KLRG2: variants seen among roughly 807,000 people sequenced by gnomAD.
The protein encoded by KLRG2 is killer cell lectin like receptor G2, also known as killer cell lectin-like receptor subfamily G member 2.
In KLRG2, 39 loss-of-function variants were observed where a neutral mutation model predicts 35.4. The ratio of observed to expected loss-of-function variants is 1.10; its 90% CI spans 0.85 to 1.44. KLRG2 has a LOEUF of 1.44. Among genes scored for constraint, KLRG2 ranks in the 40% most tolerant of loss-of-function variants. The pLI, the probability that KLRG2 is intolerant of heterozygous loss-of-function variation, is 0.00. For missense variants in KLRG2, 632 were observed against 570.9 expected (o/e 1.11, Z -1.09); for synonymous variants, 283 against 265.8 (o/e 1.06, Z -0.63).
At chr7:139,460,602 G>A (rs1236063214) in intron 3 of KLRG2, among the ~76,000 whole-genome samples, 1 of 151,798 alleles carries the variant, frequency 6.6e-6, no homozygotes, top group East Asian at 1.9e-4. Flanking sequence ...GGTGGAGGCT[G>A]CAGCAAGCCA....
Position 139,480,098 on chromosome 7 carries a change from G to A in KLRG2, c.859+48C>T, listed in dbSNP as rs566480675. 5.0e-5 allele frequency: 62 copies of A among 1,244,906 alleles called. No individual in the cohort carries two copies. The East Asian group carries it at 1.4e-3, about 28-fold the overall frequency. 77.1% of individuals were successfully genotyped at this position (1,244,906 alleles called of 1,614,324 possible). A position where few individuals can be genotyped will look rare whatever the true frequency, so the allele number is the denominator to read the frequency against. ...TTTAAGGGCTGGAAACACAGCCCCA[G>A]TAGTGGAGCGGCAGGGAGAGGGGAT... On this transcript the variant is annotated intron_variant, in intron 2 of 4. Coordinates refer to ENST00000340940, the MANE Select transcript of KLRG2 (RefSeq NM_198508.4).
chr7:139,431,456 T>G, the KLRG2 span, among the ~76,000 whole-genome samples: 1 of 152,138 alleles, frequency 6.6e-6, no homozygotes, highest in African/African-American at 2.4e-5. Context: ...TGGACTCTTT[T>G]AGGCAGGGTA....
intron 3 of KLRG2, among the ~76,000 whole-genome samples, chr7:139,459,310 C>T (rs866140200): frequency 6.6e-6 from 1 of 152,190 alleles, no homozygotes; most frequent in African/African-American, 2.4e-5. Flanking sequence ...ATCTGTCTGT[C>T]TCAGGACAAA....
At chr7:139,469,679 G>GA (rs1451395422) in intron 3 of KLRG2, among the ~76,000 whole-genome samples, 1 of 151,626 alleles carries the variant, frequency 6.6e-6, no homozygotes, top group African/African-American at 2.4e-5. Flanking sequence ...CCTGACTTCA[G>GA]ATGATCCACC....
intron 3 of KLRG2, among the ~76,000 whole-genome samples, chr7:139,466,662 CCTT>C (rs1205510624): frequency 6.6e-6 from 1 of 151,954 alleles, no homozygotes; most frequent in Non-Finnish European, 1.5e-5. Flanking sequence ...CGTTTCTAAT[CCTT>C]CTTTAACAAT....
chr7:139,438,588 G>T, the KLRG2 span, among the ~76,000 whole-genome samples: 5 of 152,140 alleles, frequency 3.3e-5, no homozygotes, highest in Non-Finnish European at 1.5e-5. Flanking sequence ...ACAACACCAA[G>T]TGTTGGTGAG....
At chr7:139,482,860 G>A (rs1298940145) in intron 1 of KLRG2, 26 bp downstream of exon 1, 7 of 1,375,762 alleles carry the variant, frequency 5.1e-6, no homozygotes, top group Non-Finnish European at 6.5e-6. Context: ...TGGCGGCGTC[G>A]GCTGCCGGCG....
At chr7:139,442,493 C>T in the KLRG2 span, among the ~76,000 whole-genome samples, 3 of 152,092 alleles carry the variant, frequency 2.0e-5, no homozygotes, top group Admixed American at 2.0e-4. Context: ...GGGAGGATGG[C>T]TCGAGTCCAG....
At chr7:139,472,301 G>A (rs933698297) in intron 3 of KLRG2, among the ~76,000 whole-genome samples, 3 of 151,770 alleles carry the variant, frequency 2.0e-5, no homozygotes, top group Admixed American at 6.6e-5. Flanking sequence ...CAAACAAACC[G>A]CCACAAGAGA....
chr7:139,458,014 T>C (rs73732787), intron 3 of KLRG2, among the ~76,000 whole-genome samples: 2,529 of 152,316 alleles, frequency 0.017, 71 homozygotes, highest in African/African-American at 0.058. Context: ...GAAAATCTCA[T>C]ATTTTACGTC....
chr7:139,477,491 C>A (rs1239559796), intron 3 of KLRG2, among the ~76,000 whole-genome samples: 1 of 152,160 alleles, frequency 6.6e-6, no homozygotes, highest in Non-Finnish European at 1.5e-5. Context: ...AAGACAAATA[C>A]TGTGCGATTC....
At chr7:139,470,665 C>A (rs1256296159) in intron 3 of KLRG2, among the ~76,000 whole-genome samples, 1 of 152,026 alleles carries the variant, frequency 6.6e-6, no homozygotes, top group Non-Finnish European at 1.5e-5. Context: ...GTGGCACATG[C>A]CTGTGGTCCC....
intron 3 of KLRG2, among the ~76,000 whole-genome samples, chr7:139,463,181 G>C (rs532194501): frequency 6.6e-6 from 1 of 152,274 alleles, no homozygotes; most frequent in East Asian, 1.9e-4. Context: ...GAAAAACCCA[G>C]CCCAGTTCTT....
chr7:139,427,423 AG>A, the KLRG2 span, among the ~76,000 whole-genome samples: 1 of 152,214 alleles, frequency 6.6e-6, no homozygotes. Context: ...TCAGTCAAGC[AG>A]GGATCTAAGA....
chr7:139,431,638 C>G, the KLRG2 span, among the ~76,000 whole-genome samples: 1 of 152,152 alleles, frequency 6.6e-6, no homozygotes, highest in African/African-American at 2.4e-5. Flanking sequence ...AGAGCCCGGC[C>G]TCAAAAGCTC....
At position 139,479,594 on chromosome 7, in the gene KLRG2, T is replaced by G. The variant is rs764810432; in HGVS notation, c.1005+33A>C. ...TAGGATTCTGTGGTCTAGAAAGATCTGTACCCCCTTAGATTGGACACCCCC... is the reference window on the plus strand; with the variant it reads ...TAGGATTCTGTGGTCTAGAAAGATCGGTACCCCCTTAGATTGGACACCCCC... On this transcript the variant is annotated intron_variant, in intron 3 of 4. Transcript: ENST00000340940. 2.5e-6 allele frequency: 4 copies of G among 1,599,284 alleles called. No homozygotes were observed. The South Asian group carries it at 4.4e-5, about 18-fold the overall frequency.
chr7:139,446,657 G>A, the KLRG2 span, among the ~76,000 whole-genome samples: 2 of 152,110 alleles, frequency 1.3e-5, no homozygotes, highest in South Asian at 2.1e-4. Context: ...TCAGCTTCTG[G>A]AATCTTCCTG....
At chr7:139,441,727 T>A in the KLRG2 span, among the ~76,000 whole-genome samples, 1 of 152,012 alleles carries the variant, frequency 6.6e-6, no homozygotes, top group Non-Finnish European at 1.5e-5. Flanking sequence ...GAGTCAAGAT[T>A]GTGCCATTGC....
At chr7:139,458,827 C>G (rs1351331673) in intron 3 of KLRG2, among the ~76,000 whole-genome samples, 1 of 152,168 alleles carries the variant, frequency 6.6e-6, no homozygotes, top group Non-Finnish European at 1.5e-5. Context: ...CTGAGCAAAA[C>G]AGGCTTCTGG....
Sources: allele counts gnomAD v4.1 joint callset (sites outside exome capture counted in the v4.1 genomes callset), GRCh38; gene constraint gnomAD v4.1.1; transcripts MANE v1.5; gene names NCBI Gene and HGNC (gene_info 2026-07-23, HGNC 2026-07-21).